The following CSTPP1 variants were observed in gnomAD, a reference collection of about 807,000 sequenced individuals.
CSTPP1 encodes centriolar satellite-associated tubulin polyglutamylase complex regulator 1, also known as UPF0705 protein C11orf49.
the CSTPP1 span, among the ~76,000 whole-genome samples, chr11:47,018,551 C>T: frequency 1.3e-5 from 2 of 152,062 alleles, no homozygotes; most frequent in African/African-American, 4.8e-5. Context: ...CCTCTGCCTC[C>T]CAAAGTGCTG....
the CSTPP1 span, among the ~76,000 whole-genome samples, chr11:47,087,098 T>C: frequency 1.3e-5 from 2 of 152,204 alleles, no homozygotes; most frequent in Non-Finnish European, 2.9e-5. Context: ...ATTAATGGGT[T>C]CCTGTCATGC....
chr11:47,070,295 G>A, the CSTPP1 span, among the ~76,000 whole-genome samples: 1 of 152,062 alleles, frequency 6.6e-6, no homozygotes, highest in African/African-American at 2.4e-5. Flanking sequence ...AGAGCTGGAA[G>A]TATGTAAAAG....
the CSTPP1 span, among the ~76,000 whole-genome samples, chr11:47,077,525 G>T: frequency 1.1e-4 from 17 of 152,142 alleles, no homozygotes; most frequent in Non-Finnish European, 2.4e-4. Context: ...TAGATGGGCA[G>T]GGTTTCATAA....
At chr11:46,952,753 TTCCAATAA>T in the CSTPP1 span, among the ~76,000 whole-genome samples, 3 of 152,248 alleles carry the variant, frequency 2.0e-5, no homozygotes, top group Admixed American at 1.3e-4. Flanking sequence ...TTGTAAACAT[TTCCAATAA>T]TCAGAATAGT....
chr11:46,963,558 C>CA, the CSTPP1 span, among the ~76,000 whole-genome samples: 1 of 151,780 alleles, frequency 6.6e-6, no homozygotes, highest in South Asian at 2.1e-4. Context: ...CCTGGATGGG[C>CA]AGACCATATG....
At chr11:46,972,391 T>C in the CSTPP1 span, among the ~76,000 whole-genome samples, 1 of 152,126 alleles carries the variant, frequency 6.6e-6, no homozygotes, top group East Asian at 1.9e-4. Context: ...GAGACCCCCT[T>C]GCTAGGGTTG....
At chr11:47,010,424 A>C in the CSTPP1 span, among the ~76,000 whole-genome samples, 3 of 152,194 alleles carry the variant, frequency 2.0e-5, no homozygotes, top group Non-Finnish European at 4.4e-5. Flanking sequence ...GAGTGGAAAG[A>C]TGTGTCAGTT....
At chr11:47,159,695 C>A in the CSTPP1 span, 2 of 456,204 alleles carry the variant, frequency 4.4e-6, no homozygotes, top group Non-Finnish European at 8.8e-6. Flanking sequence ...CCTCATCCCC[C>A]TTTTCTAAGG....
chr11:47,071,792 A>T, the CSTPP1 span, among the ~76,000 whole-genome samples: 1 of 152,224 alleles, frequency 6.6e-6, no homozygotes, highest in Admixed American at 6.5e-5. Flanking sequence ...CCCCAGTTAA[A>T]CTGTAAGACA....
At chr11:46,994,356 AG>A in the CSTPP1 span, among the ~76,000 whole-genome samples, 5 of 152,180 alleles carry the variant, frequency 3.3e-5, no homozygotes, top group Admixed American at 6.5e-5. Context: ...GTCTTGTGCC[AG>A]TTTTCAAAGG....
chr11:47,096,282 G>A, the CSTPP1 span, among the ~76,000 whole-genome samples: 3 of 151,924 alleles, frequency 2.0e-5, no homozygotes, highest in Non-Finnish European at 2.9e-5. Context: ...CCATCACCAC[G>A]CATTTCCAGA....
At chr11:47,069,319 T>C in the CSTPP1 span, among the ~76,000 whole-genome samples, 2 of 152,216 alleles carry the variant, frequency 1.3e-5, no homozygotes, top group Middle Eastern at 3.2e-3. Context: ...TTCTAGCCAT[T>C]ATCATGCTCT....
At chr11:47,152,471 T>C in the CSTPP1 span, among the ~76,000 whole-genome samples, 1 of 152,174 alleles carries the variant, frequency 6.6e-6, no homozygotes, top group Non-Finnish European at 1.5e-5. Context: ...GTCCCATCTG[T>C]GGCTGAAAGA....
chr11:47,050,722 A>G, the CSTPP1 span, among the ~76,000 whole-genome samples: 14 of 152,324 alleles, frequency 9.2e-5, no homozygotes, highest in South Asian at 2.9e-3. Flanking sequence ...AATGTAGCCT[A>G]CTGCATTTAC....
At chr11:47,001,976 T>C in the CSTPP1 span, among the ~76,000 whole-genome samples, 1 of 152,184 alleles carries the variant, frequency 6.6e-6, no homozygotes, top group African/African-American at 2.4e-5. Flanking sequence ...ATGTTTTCTC[T>C]ACTTATTTAC....
chr11:47,018,752 T>C, the CSTPP1 span, among the ~76,000 whole-genome samples: 1 of 152,220 alleles, frequency 6.6e-6, no homozygotes, highest in African/African-American at 2.4e-5. Context: ...AGGTATCTCA[T>C]TGTGGTCTTG....
chr11:46,998,324 A>G, the CSTPP1 span, among the ~76,000 whole-genome samples: 1 of 152,332 alleles, frequency 6.6e-6, no homozygotes, highest in Middle Eastern at 3.4e-3. Flanking sequence ...ACCAACAGTA[A>G]GGCTGACTGT....
chr11:46,970,939 A>G, the CSTPP1 span, among the ~76,000 whole-genome samples: 1 of 152,224 alleles, frequency 6.6e-6, no homozygotes, highest in Non-Finnish European at 1.5e-5. Context: ...TAGCCATTAC[A>G]AAGAATTAGA....
At chr11:47,068,253 C>T in the CSTPP1 span, among the ~76,000 whole-genome samples, 1 of 152,040 alleles carries the variant, frequency 6.6e-6, no homozygotes, top group Non-Finnish European at 1.5e-5. Context: ...TAATTTTGGC[C>T]AGGCACAGTG....
Sources: gnomAD v4.1 joint callset for allele counts (sites outside exome capture counted in the v4.1 genomes callset) on GRCh38, gnomAD v4.1.1 for gene constraint, MANE v1.5 for transcripts, NCBI Gene and HGNC (gene_info 2026-07-23, HGNC 2026-07-21) for gene names.